The following STK11 variants were observed in gnomAD, a reference collection of about 807,000 sequenced individuals.
STK11 encodes serine/threonine kinase 11.
Under a neutral mutation model 47.3 loss-of-function variants are expected in STK11, and 8 were observed. The ratio of observed to expected loss-of-function variants is 0.17; its 90% CI spans 0.10 to 0.31. The LOEUF (loss-of-function observed/expected upper bound fraction) is 0.31, where lower values mean the gene tolerates loss of function less well. STK11 is among the 10% of genes least tolerant of loss of function. The probability of loss-of-function intolerance (pLI) is 1.00; values close to 1 mark genes in which losing one functional copy is unlikely to be tolerated. For synonymous variants in STK11, 330 were observed against 255.8 expected, an observed-to-expected ratio of 1.29 and a Z score of -2.77; for missense variants, 475 against 605.0, an observed-to-expected ratio of 0.79 and a Z score of 2.25.
intron 1 of STK11, among the ~76,000 whole-genome samples, chr19:1,212,649 T>G (rs898478174): frequency 5.9e-5 from 9 of 152,208 alleles, no homozygotes; most frequent in African/African-American, 2.2e-4. Flanking sequence ...CACTGCAAGC[T>G]CCGCTTCAGC....
Position 1,226,660 on chromosome 19 carries a change from G to C in STK11, c.*13G>C. On this transcript the variant is annotated 3_prime_UTR_variant, in exon 9 of 10. Coordinates refer to ENST00000326873, the MANE Select transcript of STK11 (RefSeq NM_000455.5). ...CAAGCAGCAGTGAGGCTGGCCGCCT[G>C]CAGGTGGGGCGCGGCGGGGCCCGGG... is the stretch of plus-strand genomic sequence containing the variant. The C allele has an allele frequency of 6.6e-7, 1 of 1,506,324 alleles. No homozygotes were observed. Among genetic ancestry groups the C allele is most frequent in the Non-Finnish European group, 8.8e-7 (1 of 1,130,336 alleles). 93.3% of individuals were successfully genotyped at this position (1,506,324 alleles called of 1,614,324 possible).
At position 1,206,525 on chromosome 19, in the gene STK11, G is replaced by A; in HGVS notation, c.-389G>A. The A allele has an allele frequency of 3.3e-6, 1 of 303,094 alleles. No individual in the cohort carries two copies. Among genetic ancestry groups the A allele is most frequent in the South Asian group, 6.8e-5 (1 of 14,626 alleles). 18.8% of individuals were successfully genotyped at this position (303,094 alleles called of 1,614,324 possible). ...CGGCCGTGTTCATACTTGTCCGTGG[G>A]CCTGAGGTCCCCGGAGGATGACCTA... On this transcript the variant is annotated 5_prime_UTR_variant, in exon 1 of 10. Coordinates refer to ENST00000326873, the MANE Select transcript of STK11 (RefSeq NM_000455.5).
At chr19:1,209,530 C>A (rs551994527) in intron 1 of STK11, among the ~76,000 whole-genome samples, 1 of 151,972 alleles carries the variant, frequency 6.6e-6, no homozygotes, top group Non-Finnish European at 1.5e-5. Context: ...TGCGGTGACC[C>A]GAGATCGCAC....
chr19:1,209,935 C>A (rs901477014), intron 1 of STK11, among the ~76,000 whole-genome samples: 8 of 152,182 alleles, frequency 5.3e-5, no homozygotes, highest in African/African-American at 1.9e-4. Flanking sequence ...ACAGCTTGAC[C>A]CCACTGCCTT....
At chr19:1,207,296 A>G in intron 1 of STK11, 93 bp downstream of exon 1, 1 of 1,467,956 alleles carries the variant, frequency 6.8e-7, no homozygotes, top group Non-Finnish European at 9.2e-7. Flanking sequence ...TCCCTCCCTT[A>G]CTTCCTCTTA....
chr19:1,206,684 C>T lies in STK11; in HGVS notation c.-230C>T. 1.7e-6 allele frequency: 1 copy of T among 591,546 alleles called. No homozygotes were observed. The highest frequency in any genetic ancestry group is 2.8e-6 in the Non-Finnish European group (1 of 353,226). 36.6% of individuals were successfully genotyped at this position (591,546 alleles called of 1,614,324 possible). A position where few individuals can be genotyped will look rare whatever the true frequency, so the allele number is the denominator to read the frequency against. ...AGCCGCCGTCCCGGACCCCCGGTGC[C>T]CGCCGGTCCGCAGACCCTGCACCGG... On this transcript the variant is annotated 5_prime_UTR_variant, in exon 1 of 10. Coordinates refer to ENST00000326873, the MANE Select transcript of STK11 (RefSeq NM_000455.5).
At chr19:1,219,808 G>A (rs2080770220) in intron 3 of STK11, among the ~76,000 whole-genome samples, 1 of 152,124 alleles carries the variant, frequency 6.6e-6, no homozygotes, top group African/African-American at 2.4e-5. Flanking sequence ...GCCTCCCAAA[G>A]TGCTGGGATT....
rs1330230723 is a variant in STK11 at position 1,226,561 on chromosome 19, G to T, written c.1216G>T (p.Ala406Ser). The change falls in exon 9 of 10, where the codon GCG becomes TCG. Residue 406 changes from alanine to serine, a missense_variant. This residue lies in a region of STK11 where 219 missense variants were observed against 189.2 expected (regional missense o/e 1.16). Coordinates refer to ENST00000326873, the MANE Select transcript of STK11 (RefSeq NM_000455.5). ...GGCGCAGCTGAGCACCAAATCCAGGGCGGAGGGCCGGGCCCCCAACCCTGC... is the reference window on the plus strand; with the variant it reads ...GGCGCAGCTGAGCACCAAATCCAGGTCGGAGGGCCGGGCCCCCAACCCTGC... ...EAAQLSTKSR[A>S]EGRAPNPARK... The T allele has an allele frequency of 5.0e-6, 8 of 1,594,036 alleles. No homozygotes were observed. The South Asian group carries it at 6.8e-5, about 14-fold the overall frequency.
chr19:1,220,311 A>G, intron 3 of STK11, 62 bp from the exon 4 acceptor site: 11 of 1,552,472 alleles, frequency 7.1e-6, no homozygotes, highest in East Asian at 2.4e-5. Context: ...GGCAGCTGCA[A>G]AGGGGACCCC....
At chr19:1,223,311 A>ACCTGCAGGCTGCCTCCGC (rs2080799301) in intron 8 of STK11, 139 bp downstream of exon 8, 2 of 1,092,648 alleles carry the variant, frequency 1.8e-6, no homozygotes, top group Non-Finnish European at 2.6e-6. Context: ...CCTCCAGCCC[A>ACCTGCAGGCTGCCTCCGC]CCTGCAGGCT....
chr19:1,211,072 C>T (rs1031955478), intron 1 of STK11, among the ~76,000 whole-genome samples: 3 of 152,080 alleles, frequency 2.0e-5, no homozygotes, highest in Admixed American at 1.3e-4. Context: ...GTCAGGAGTT[C>T]AAGACCAGCC....
At chr19:1,225,195 G>C (rs893684994) in intron 8 of STK11, 1 of 985,358 alleles carries the variant, frequency 1.0e-6, no homozygotes, top group Admixed American at 6.1e-5. Context: ...TGTCCACAGG[G>C]TCTGCCCCAC....
Position 1,206,846 on chromosome 19 carries a change from A to G in STK11, c.-68A>G. ...AAAATTTTGGAGAAGGGAAGTCGGA[A>G]CACAAGGAAGGACCGCTCACCCGCG... is the stretch of plus-strand genomic sequence containing the variant. On this transcript the variant is annotated 5_prime_UTR_variant, in exon 1 of 10. Coordinates refer to ENST00000326873, the MANE Select transcript of STK11 (RefSeq NM_000455.5). 6.8e-7 allele frequency: 1 copy of G among 1,480,534 alleles called. No individual in the cohort carries two copies. The highest frequency in any genetic ancestry group is 9.0e-7 in the Non-Finnish European group (1 of 1,110,488). 91.7% of individuals were successfully genotyped at this position (1,480,534 alleles called of 1,614,324 possible).
rs913429736 is a variant in STK11, at chr19:1,224,791, G to A, written c.1108+1619G>A. The stretch of plus-strand genomic sequence containing the variant: ...GGAGTACCCAGCAGGGGGAAGGGCC[G>A]CCAGACCACTCGGCATGGCTGAGGC... On this transcript the variant is annotated intron_variant, in intron 8 of 9. Transcript: ENST00000326873. The A allele has an allele frequency of 1.1e-5, 11 of 985,544 alleles. No individual in the cohort carries two copies. The East Asian group carries it at 4.5e-4, about 41-fold the overall frequency. The allele number at this position is 985,544 out of a possible 1,614,324, so 61.0% of individuals were successfully genotyped here.
At position 1,207,219 on chromosome 19, in the gene STK11, T is replaced by TGGGGTC. The variant is rs1555735086; in HGVS notation, c.290+21_290+26dup. 4 of 1,587,642 alleles carry TGGGGTC rather than the reference T, an allele frequency of 2.5e-6. No individual in the cohort carries two copies. Among genetic ancestry groups the TGGGGTC allele is most frequent in the Middle Eastern group, 1.7e-4 (1 of 6,024 alleles). The stretch of plus-strand genomic sequence containing the variant: ...ACGTGAAGAAGTAAGTATGGCTTGC[T>TGGGGTC]GGGGTCGGGGCCGGGCCGGGCCAGT... On this transcript the variant is annotated intron_variant, in intron 1 of 9. Transcript: ENST00000326873.
Position 1,220,583 on chromosome 19 carries a change from A to C in STK11, c.600A>C (p.Ala200=), listed in dbSNP as rs1290811050. ...LKISDLGVAE[A]LHPFAADDTC... ...AGGGCTGCACGGCACCGCCACAGGC[A>C]CTGCACCCGTTCGCGGCGGACGACA... Residue 200 remains alanine (A), a splice_region_variant and synonymous_variant, in exon 5 of 10, where the codon GCA becomes GCC. Transcript: ENST00000326873. The C allele has an allele frequency of 6.3e-7, 1 of 1,583,878 alleles. No individual in the cohort carries two copies. Among genetic ancestry groups the C allele is most frequent in the Non-Finnish European group, 8.6e-7 (1 of 1,164,738 alleles).
chr19:1,225,485 G>A, intron 8 of STK11: 1 of 909,360 alleles, frequency 1.1e-6, no homozygotes, highest in Non-Finnish European at 1.3e-6. Flanking sequence ...TGGTCAGGCT[G>A]GTCTCAAACT....
intron 3 of STK11, 171 bp from the exon 4 acceptor site, chr19:1,220,202 G>A: frequency 3.6e-6 from 3 of 840,620 alleles, no homozygotes; most frequent in East Asian, 5.7e-5. Context: ...CACTGCAGGC[G>A]CAGGTGTGGC....
chr19:1,227,432 G>A (rs2080833100), intron 9 of STK11, 161 bp from the exon 10 acceptor site: 1 of 680,604 alleles, frequency 1.5e-6, no homozygotes, highest in Non-Finnish European at 1.9e-6. Flanking sequence ...AATGTACCCC[G>A]GGAGTGACTC....
Sources: gnomAD v4.1 joint callset for allele counts (sites outside exome capture counted in the v4.1 genomes callset) on GRCh38, gnomAD v4.1.1 for gene constraint, gnomAD v4.1.1 regional missense constraint, MANE v1.5 for transcripts, NCBI Gene and HGNC (gene_info 2026-07-23, HGNC 2026-07-21) for gene names.